The following GHR variants were observed in gnomAD, a reference collection of about 807,000 sequenced individuals.
GHR encodes GH receptor.
In GHR, 35 loss-of-function variants were observed where a neutral mutation model predicts 67.1. The ratio of observed to expected loss-of-function variants is 0.52; its 90% CI spans 0.40 to 0.69. GHR has a LOEUF of 0.69. Among genes scored for constraint, GHR ranks in the 30% least tolerant of loss-of-function variants. The probability of loss-of-function intolerance (pLI) is 0.00; values close to 1 mark genes in which losing one functional copy is unlikely to be tolerated. For missense variants in GHR, 792 were observed against 764.6 expected (o/e 1.04, Z -0.42); for synonymous variants, 272 against 269.1 (o/e 1.01, Z -0.10).
chr5:42,634,835 T>A (rs892956426), intron 3 of GHR, among the ~76,000 whole-genome samples: 25 of 152,300 alleles, frequency 1.6e-4, no homozygotes, highest in African/African-American at 5.8e-4. Context: ...GTCCTACTCC[T>A]GCCTGCGGCC....
intron 3 of GHR, among the ~76,000 whole-genome samples, chr5:42,637,947 T>TTTGC (rs950538619): frequency 2.0e-5 from 3 of 152,088 alleles, no homozygotes; most frequent in Non-Finnish European, 4.4e-5. Flanking sequence ...TGTTTGTTTG[T>TTTGC]TTGTTTGTTT....
At chr5:42,716,743 G>A (rs770110071) in intron 8 of GHR, among the ~76,000 whole-genome samples, 6 of 152,096 alleles carry the variant, frequency 3.9e-5, no homozygotes, top group Non-Finnish European at 7.4e-5. Flanking sequence ...AGTAGTAGAG[G>A]CTACTTAATG....
chr5:42,664,829 T>C (rs1475231027), intron 3 of GHR, among the ~76,000 whole-genome samples: 1 of 151,976 alleles, frequency 6.6e-6, no homozygotes, highest in Non-Finnish European at 1.5e-5. Context: ...GGGAGAAAAT[T>C]TTCGCAACCT....
chr5:42,647,406 C>G (rs1405874567), intron 3 of GHR, among the ~76,000 whole-genome samples: 1 of 151,888 alleles, frequency 6.6e-6, no homozygotes, highest in Non-Finnish European at 1.5e-5. Flanking sequence ...AACCCCTTCT[C>G]TAATAAAAAT....
At chr5:42,521,610 A>G (rs1309180024) in intron 1 of GHR, among the ~76,000 whole-genome samples, 1 of 152,196 alleles carries the variant, frequency 6.6e-6, no homozygotes, top group Middle Eastern at 3.2e-3. Flanking sequence ...TTCATCTGCC[A>G]AAGAGCCCAT....
At position 42,574,295 on chromosome 5, in the gene GHR, T is replaced by C. The variant is rs180954782; in HGVS notation, c.70+8351T>C. 1.4e-4 allele frequency among the ~76,000 whole-genome samples: 21 copies of C among 152,316 alleles called. No individual in the cohort carries two copies. The East Asian group carries it at 3.7e-3, about 27-fold the overall frequency. ...CTTGCTAGGAGTAGAATATAGAAAG[T>C]ACATGAAGTGCCATACTCAGACAGC... On this transcript the variant is annotated intron_variant, in intron 2 of 9. Transcript: ENST00000230882.
At chr5:42,640,195 T>C (rs1754396367) in intron 3 of GHR, among the ~76,000 whole-genome samples, 1 of 152,164 alleles carries the variant, frequency 6.6e-6, no homozygotes, top group Non-Finnish European at 1.5e-5. Context: ...ACTCTCTTAC[T>C]GGTTTCAATT....
chr5:42,701,945 A>G (rs1411133550), intron 6 of GHR, among the ~76,000 whole-genome samples: 2 of 152,048 alleles, frequency 1.3e-5, no homozygotes, highest in Admixed American at 6.6e-5. Flanking sequence ...ATGATCAAAA[A>G]TTTTTTTGTA....
chr5:42,522,014 G>A (rs1248282324), intron 1 of GHR, among the ~76,000 whole-genome samples: 2 of 152,112 alleles, frequency 1.3e-5, no homozygotes, highest in African/African-American at 4.8e-5. Context: ...TAATTTATAA[G>A]CAAGATTTTA....
At chr5:42,515,830 A>T (rs866952244) in intron 1 of GHR, among the ~76,000 whole-genome samples, 1 of 152,238 alleles carries the variant, frequency 6.6e-6, no homozygotes, top group African/African-American at 2.4e-5. Flanking sequence ...CTTCAGTTTT[A>T]TCGCAGCCTA....
At chr5:42,481,772 T>C (rs968310849) in intron 1 of GHR, among the ~76,000 whole-genome samples, 5 of 152,140 alleles carry the variant, frequency 3.3e-5, no homozygotes, top group African/African-American at 1.2e-4. Context: ...GTTATTCTAG[T>C]TATACATTCA....
At chr5:42,436,166 C>T (rs1479708739) in intron 1 of GHR, among the ~76,000 whole-genome samples, 1 of 152,210 alleles carries the variant, frequency 6.6e-6, no homozygotes, top group African/African-American at 2.4e-5. Context: ...CTGTAAGGCA[C>T]ATAGCCTTGA....
At chr5:42,426,981 T>C (rs180754608) in intron 1 of GHR, among the ~76,000 whole-genome samples, 1 of 152,236 alleles carries the variant, frequency 6.6e-6, no homozygotes, top group African/African-American at 2.4e-5. Flanking sequence ...AAAGTTCTTA[T>C]ACTGAATCAA....
chr5:42,468,057 T>G (rs1261644069), intron 1 of GHR: 1 of 886,596 alleles, frequency 1.1e-6, no homozygotes, highest in Non-Finnish European at 1.8e-6. Context: ...CTTCCTAATA[T>G]GATGCGGGGG....
intron 2 of GHR, among the ~76,000 whole-genome samples, chr5:42,567,824 G>A (rs1750035889): frequency 6.8e-6 from 1 of 147,924 alleles, no homozygotes; most frequent in African/African-American, 2.5e-5. Flanking sequence ...TTCTAGTTCT[G>A]GCCACTTATC....
At chr5:42,589,731 A>G (rs773889546) in intron 2 of GHR, among the ~76,000 whole-genome samples, 1 of 152,224 alleles carries the variant, frequency 6.6e-6, no homozygotes, top group Admixed American at 6.5e-5. Flanking sequence ...GTTTCCATGC[A>G]TGATGCTTAA....
intron 2 of GHR, among the ~76,000 whole-genome samples, chr5:42,617,793 T>C (rs1753240304): frequency 6.6e-6 from 1 of 152,252 alleles, no homozygotes; most frequent in Admixed American, 6.5e-5. Context: ...CAATGAGACT[T>C]TTGACTTTTT....
chr5:42,712,980 C>T, intron 7 of GHR, among the ~76,000 whole-genome samples: 1 of 151,818 alleles, frequency 6.6e-6, no homozygotes, highest in South Asian at 2.1e-4. Context: ...CTGCCTTCAT[C>T]TTTTTGATAA....
chr5:42,449,794 T>C (rs545223061), intron 1 of GHR, among the ~76,000 whole-genome samples: 6 of 152,158 alleles, frequency 3.9e-5, no homozygotes, highest in Non-Finnish European at 7.4e-5. Flanking sequence ...TTACTTTGAG[T>C]TATGTCCCTT....
Sources: gnomAD v4.1 joint callset for allele counts (sites outside exome capture counted in the v4.1 genomes callset) on GRCh38, gnomAD v4.1.1 for gene constraint, MANE v1.5 for transcripts, NCBI Gene and HGNC (gene_info 2026-07-23, HGNC 2026-07-21) for gene names.